Variants in OR4Q3 observed in about 807,000 individuals in gnomAD.
The protein encoded by OR4Q3 is olfactory receptor 4Q3.
OR4Q3 carries 17 observed loss-of-function variants against 18.8 expected under a neutral mutation model. That is an observed-to-expected ratio of 0.91 (90% confidence interval 0.62 to 1.36). The LOEUF is 1.36. Ranked by LOEUF, OR4Q3 falls within the 40% of genes most tolerant of loss-of-function variation. The pLI, the probability that OR4Q3 is intolerant of heterozygous loss-of-function variation, is 0.00. For synonymous variants in OR4Q3, 158 were observed against 145.8 expected (o/e 1.08, Z -0.60); for missense variants, 378 against 373.4 (o/e 1.01, Z -0.10).
At chr14:19,745,411 A>G in intron 1 of OR4Q3, among the ~76,000 whole-genome samples, 2 of 152,156 alleles carry the variant, frequency 1.3e-5, no homozygotes, top group Non-Finnish European at 2.9e-5. Flanking sequence ...TCGGTGGAAA[A>G]AACAAGTGTA....
chr14:19,747,733 C>G, exon 2 of OR4Q3: 1 of 1,613,944 alleles, frequency 6.2e-7, no homozygotes, highest in South Asian at 1.1e-5. Context: ...TGGCCCAGAT[C>G]TACTTCCTCC....
chr14:19,750,477 T>C, downstream of OR4Q3, among the ~76,000 whole-genome samples: 7 of 152,262 alleles, frequency 4.6e-5, no homozygotes, highest in African/African-American at 1.7e-4. Flanking sequence ...CAATGTTTTT[T>C]ATATTTTGTC....
chr14:19,747,997 C>A lies in OR4Q3; in HGVS notation c.594C>A (p.Cys198Ter). The change falls in exon 2 of 2, where the codon TGC becomes TGA. Residue 198 changes from cysteine to a stop codon, truncating the protein, a stop_gained. Transcript: ENST00000642117. LOFTEE classifies it high-confidence loss of function. ...TCCCACAAGTCATCAAGCTGGCCTG[C>A]ATGGACACCTATGTGGTAGAGGTGC... is the stretch of plus-strand genomic sequence containing the variant. 1.2e-6 allele frequency: 2 copies of A among 1,614,070 alleles called. No homozygotes were observed. Among genetic ancestry groups the A allele is most frequent in the Middle Eastern group, 3.3e-4 (2 of 6,056 alleles).
Position 19,747,922 on chromosome 14 carries a change from C to G in OR4Q3, c.519C>G (p.Ile173Met). Residue 173 changes from isoleucine to methionine, a missense_variant, in exon 2 of 2, where the codon ATC (isoleucine) becomes ATG (methionine). Coordinates refer to ENST00000642117, the Ensembl canonical transcript of OR4Q3. The stretch of plus-strand genomic sequence containing the variant: ...CTATCATGCAGGTCATACTAGTCAT[C>G]CAGCTGCCTTTCTGTGGGCCCAATG... 9.9e-6 allele frequency: 16 copies of G among 1,613,918 alleles called. No individual in the cohort carries two copies. The African/African-American group carries it at 1.9e-4, about 19-fold the overall frequency.
rs1396204623 is a variant in OR4Q3 at position 19,743,612 on chromosome 14, A to G, written c.-58A>G. ...TGAGGCTGAAGAGAGGGTTGATAGG[A>G]TGAATGGCAGGATAAAATCTTCCTT... On this transcript the variant is annotated 5_prime_UTR_variant, in exon 1 of 2. The change abolishes an upstream ATG in the 5' untranslated region. Transcript: ENST00000642117. 3.9e-5 allele frequency: 6 copies of G among 152,426 alleles called. No homozygotes were observed. The highest frequency in any genetic ancestry group is 7.3e-5 in the Non-Finnish European group (5 of 68,194). The allele number at this position is 152,426 out of a possible 1,614,324, so 9.4% of individuals were successfully genotyped here. A position where few individuals can be genotyped will look rare whatever the true frequency, so the allele number is the denominator to read the frequency against.
chr14:19,745,656 C>G, intron 1 of OR4Q3, among the ~76,000 whole-genome samples: 1 of 152,142 alleles, frequency 6.6e-6, no homozygotes, highest in Admixed American at 6.5e-5. Flanking sequence ...GACTTGACCC[C>G]TGTTAATTAT....
chr14:19,745,710 AT>A, intron 1 of OR4Q3, among the ~76,000 whole-genome samples: 6 of 152,338 alleles, frequency 3.9e-5, no homozygotes, highest in Admixed American at 3.9e-4. Flanking sequence ...AGATTTTCTT[AT>A]GGAAATTTAC....
exon 2 of OR4Q3, chr14:19,748,548 A>G: frequency 1.7e-6 from 1 of 576,222 alleles, no homozygotes; most frequent in East Asian, 2.9e-5. Flanking sequence ...CTAGAAAGCC[A>G]CCTATGCCTT....
At chr14:19,749,632 A>AAAAAAAAAAAAAAAAC, downstream of OR4Q3, among the ~76,000 whole-genome samples, 1 of 146,238 alleles carries the variant, frequency 6.8e-6, no homozygotes, top group Non-Finnish European at 1.5e-5. Context: ...AAAAAAAAAA[A>AAAAAAAAAAAAAAAAC]AAGAAAGCAA....
chr14:19,751,139 C>T, downstream of OR4Q3, among the ~76,000 whole-genome samples: 3 of 152,210 alleles, frequency 2.0e-5, no homozygotes, highest in South Asian at 4.1e-4. Context: ...CAGTTGATAG[C>T]TGGAATTGGT....
At chr14:19,748,320 C>G in exon 2 of OR4Q3, 1 of 1,613,180 alleles carries the variant, frequency 6.2e-7, no homozygotes, top group Non-Finnish European at 8.5e-7. Context: ...ATGAAGACAG[C>G]TATGAAGAAG....
chr14:19,748,434 T>C, exon 2 of OR4Q3: 3 of 1,271,906 alleles, frequency 2.4e-6, no homozygotes, highest in South Asian at 2.8e-5. Context: ...ACTCATCTTG[T>C]ACATGGGTAA....
chr14:19,752,047 A>G, downstream of OR4Q3, among the ~76,000 whole-genome samples: 1 of 152,248 alleles, frequency 6.6e-6, no homozygotes, highest in South Asian at 2.1e-4. Flanking sequence ...ATTTAAATAT[A>G]AGACCACAAA....
exon 2 of OR4Q3, chr14:19,747,839 A>T: frequency 6.2e-7 from 1 of 1,608,066 alleles, no homozygotes; most frequent in Non-Finnish European, 8.5e-7. Context: ...TACAGTCATG[A>T]ACCCCCAGCT....
intron 1 of OR4Q3, among the ~76,000 whole-genome samples, chr14:19,745,931 A>C: frequency 6.6e-6 from 1 of 152,178 alleles, no homozygotes; most frequent in Non-Finnish European, 1.5e-5. Flanking sequence ...TAGGCAGATG[A>C]AGAGGATGGT....
At chr14:19,744,902 T>C in intron 1 of OR4Q3, among the ~76,000 whole-genome samples, 2 of 152,178 alleles carry the variant, frequency 1.3e-5, no homozygotes, top group African/African-American at 4.8e-5. Flanking sequence ...CTTAATTTCT[T>C]ATTGTGATCA....
At chr14:19,746,098 T>C in intron 1 of OR4Q3, among the ~76,000 whole-genome samples, 16 of 151,996 alleles carry the variant, frequency 1.1e-4, no homozygotes, top group African/African-American at 3.4e-4. Context: ...TCTATGTAAA[T>C]ACCTGATATC....
At chr14:19,749,799 TC>T, downstream of OR4Q3, among the ~76,000 whole-genome samples, 5 of 81,278 alleles carry the variant, frequency 6.2e-5, no homozygotes, top group Middle Eastern at 5.3e-3. Context: ...TTTCTTTCTC[TC>T]TCTTTCTCTC....
chr14:19,751,501 C>A, downstream of OR4Q3, among the ~76,000 whole-genome samples: 3 of 150,918 alleles, frequency 2.0e-5, no homozygotes. Context: ...ACTGTGAATC[C>A]CTCTGGTCCT....
Sources: gnomAD v4.1 joint callset for allele counts (sites outside exome capture counted in the v4.1 genomes callset) on GRCh38, gnomAD v4.1.1 for gene constraint, MANE v1.5 for transcripts, NCBI Gene and HGNC (gene_info 2026-07-23, HGNC 2026-07-21) for gene names.